The following OIP5 variants were observed in gnomAD, a reference collection of about 807,000 sequenced individuals.
OIP5 encodes protein Mis18-beta.
OIP5 carries 24 observed loss-of-function variants against 20.3 expected under a neutral mutation model. The ratio of observed to expected loss-of-function variants is 1.18; its 90% CI spans 0.86 to 1.66. The LOEUF is 1.66. Ranked by LOEUF, OIP5 falls within the 40% of genes most tolerant of loss-of-function variation. OIP5 has a pLI of 0.00. For synonymous variants in OIP5, 143 were observed against 121.3 expected (o/e 1.18, Z -1.17); for missense variants, 339 against 289.5 (o/e 1.17, Z -1.24).
At chr15:41,329,943 C>T (rs1432383108) in intron 2 of OIP5, among the ~76,000 whole-genome samples, 7 of 148,014 alleles carry the variant, frequency 4.7e-5, no homozygotes, top group Admixed American at 4.0e-4. Context: ...GTGATCCATC[C>T]GCCTTGGCCT....
intron 3 of OIP5, among the ~76,000 whole-genome samples, chr15:41,317,556 T>C (rs1181689810): frequency 6.6e-6 from 1 of 152,020 alleles, no homozygotes; most frequent in African/African-American, 2.4e-5. Flanking sequence ...ATTTTTTTTG[T>C]ATTTTTAGTA....
intron 4 of OIP5, among the ~76,000 whole-genome samples, 179 bp downstream of exon 4, chr15:41,313,094 T>C (rs892499582): frequency 6.6e-6 from 1 of 152,234 alleles, no homozygotes; most frequent in Admixed American, 6.5e-5. Flanking sequence ...CTTCCTGAAC[T>C]ATACCTTACA....
chr15:41,327,528 G>A (rs113387571), intron 2 of OIP5, among the ~76,000 whole-genome samples: 26,998 of 150,886 alleles, frequency 0.18, 3,098 homozygotes, highest in Non-Finnish European at 0.25. Flanking sequence ...AGTGGCTCAC[G>A]CCTGTAATCC....
At chr15:41,327,782 C>CA (rs2047871360) in intron 2 of OIP5, among the ~76,000 whole-genome samples, 1 of 149,930 alleles carries the variant, frequency 6.7e-6, no homozygotes, top group South Asian at 2.1e-4. Context: ...AGCAAGACTC[C>CA]ATCTCAAAAA....
rs528286464 is a variant in OIP5 at position 41,317,806 on chromosome 15, G to A, written c.512+1852C>T. Among the ~76,000 whole-genome samples, 282 of 152,282 alleles carry A rather than the reference G, an allele frequency of 1.9e-3. 1 individual carries two copies. Among genetic ancestry groups the A allele is most frequent in the African/African-American group, 6.6e-3 (275 of 41,560 alleles). On this transcript the variant is annotated intron_variant, in intron 3 of 4. Transcript: ENST00000220514. Reference sequence around the variant, plus strand: ...CTATCCTCCCACCTTAGCCTCCAGAGTAGCTAGGACTACAGGCATACACCA... The same window carrying A: ...CTATCCTCCCACCTTAGCCTCCAGAATAGCTAGGACTACAGGCATACACCA...
intron 2 of OIP5, among the ~76,000 whole-genome samples, chr15:41,330,151 C>T (rs891680450): frequency 1.3e-5 from 2 of 152,070 alleles, no homozygotes; most frequent in Non-Finnish European, 2.9e-5. Flanking sequence ...AGTGCAATGG[C>T]GTGAACTCGG....
rs1409406920 is a variant in OIP5 at position 41,332,525 on chromosome 15, C to T, written c.37G>A (p.Ala13Thr). The stretch of plus-strand genomic sequence containing the variant: ...CAAAAGTCCCCCCGGGGCGGCGTTG[C>T]ACAACGTGAGCGATGCCGCAGCGGC... ...AQPLRHRSRCATPPRGDFCGG... is the reference protein window; with the variant it reads ...AQPLRHRSRCTTPPRGDFCGG... The change falls in exon 1 of 5, where the codon GCA (alanine) becomes ACA (threonine). Residue 13 changes from alanine to threonine, a missense_variant. By Grantham distance (58) the Ala-to-Thr change is moderately conservative. Coordinates refer to ENST00000220514, the MANE Select transcript of OIP5 (RefSeq NM_007280.2). The T allele has an allele frequency of 1.2e-6, 2 of 1,612,424 alleles. No individual in the cohort carries two copies. The highest frequency in any genetic ancestry group is 1.7e-5 in the Admixed American group (1 of 59,414).
At position 41,332,362 on chromosome 15, in the gene OIP5, G is replaced by C; in HGVS notation, c.200C>G (p.Pro67Arg). ...AEEPAAGPQL[P>R]SWLQPERCAV... ...GCACCTCTCAGGCTGCAGCCAAGACGGCAGCTGCGGGCCGGCGGCTGGCTC... is the reference window on the plus strand; with the variant it reads ...GCACCTCTCAGGCTGCAGCCAAGACCGCAGCTGCGGGCCGGCGGCTGGCTC... Residue 67 changes from proline (P) to arginine (R), a missense_variant, in exon 1 of 5, where the codon CCG becomes CGG. Physicochemically the swap from Pro to Arg is moderately radical, Grantham distance 103. Transcript: ENST00000220514. The C allele has an allele frequency of 1.9e-6, 3 of 1,612,740 alleles. No homozygotes were observed. Among genetic ancestry groups the C allele is most frequent in the Non-Finnish European group, 2.5e-6 (3 of 1,179,250 alleles).
intron 3 of OIP5, among the ~76,000 whole-genome samples, chr15:41,316,034 A>C (rs2047786934): frequency 6.6e-6 from 1 of 152,152 alleles, no homozygotes; most frequent in Non-Finnish European, 1.5e-5. Context: ...AGGCTGAGGC[A>C]GGACAATGGC....
Position 41,313,362 on chromosome 15 carries a change from G to C in OIP5, c.513-8C>G. 2 of 1,492,302 alleles carry C rather than the reference G, an allele frequency of 1.3e-6. No individual in the cohort carries two copies. Among genetic ancestry groups the C allele is most frequent in the Non-Finnish European group, 1.9e-6 (2 of 1,080,316 alleles). 92.4% of individuals were successfully genotyped at this position (1,492,302 alleles called of 1,614,324 possible). ...TTTGTTTTTAAGAGATAGCTAGATA[G>C]GAAAAAAGAAAAATATTAGTGTCAT... On this transcript the variant is annotated splice_region_variant and splice_polypyrimidine_tract_variant and intron_variant, in intron 3 of 4. Transcript: ENST00000220514.
chr15:41,321,038 C>A (rs1156508699), intron 2 of OIP5, among the ~76,000 whole-genome samples: 1 of 149,252 alleles, frequency 6.7e-6, no homozygotes, highest in African/African-American at 2.5e-5. Context: ...TGAGGAGACC[C>A]TCCGCCCGGC....
At position 41,309,967 on chromosome 15, in the gene OIP5, C is replaced by T. The variant is rs1039054011; in HGVS notation, c.595-118G>A. Reference sequence around the variant, plus strand: ...ACAGTGGCACATTCATAGTTCACTGCAGCCTCAAGCTCCTGCTCTCAAGTG... The same window carrying T: ...ACAGTGGCACATTCATAGTTCACTGTAGCCTCAAGCTCCTGCTCTCAAGTG... On this transcript the variant is annotated intron_variant, in intron 4 of 4. Coordinates refer to ENST00000220514, the MANE Select transcript of OIP5 (RefSeq NM_007280.2). The T allele has an allele frequency of 4.3e-5, 26 of 608,376 alleles. No homozygotes were observed. In the East Asian group the frequency reaches 7.5e-4, roughly 18 times the overall value. The allele number at this position is 608,376 out of a possible 1,614,324, so 37.7% of individuals were successfully genotyped here. A position where few individuals can be genotyped will look rare whatever the true frequency, so the allele number is the denominator to read the frequency against.
At chr15:41,314,132 C>T (rs184653526) in intron 3 of OIP5, among the ~76,000 whole-genome samples, 327 of 151,990 alleles carry the variant, frequency 2.2e-3, no homozygotes, top group Admixed American at 7.3e-3. Flanking sequence ...GATGGAGTCT[C>T]GCTCTGTTGC....
chr15:41,323,813 G>A (rs1165222026), intron 2 of OIP5, among the ~76,000 whole-genome samples: 2 of 152,032 alleles, frequency 1.3e-5, no homozygotes, highest in African/African-American at 4.8e-5. Context: ...ACCTATGAAA[G>A]TCTGAGATGG....
intron 4 of OIP5, among the ~76,000 whole-genome samples, chr15:41,312,254 C>A (rs986111870): frequency 6.6e-6 from 1 of 151,650 alleles, no homozygotes; most frequent in Non-Finnish European, 1.5e-5. Context: ...CTCTATCTCG[C>A]AGGTTCAAGT....
chr15:41,332,015 C>A, intron 1 of OIP5, 34 bp from the exon 2 acceptor site: 1 of 1,604,324 alleles, frequency 6.2e-7, no homozygotes, highest in Non-Finnish European at 8.5e-7. Flanking sequence ...AACCCATACT[C>A]TGCGGGCCTT....
intron 1 of OIP5, 128 bp from the exon 2 acceptor site, chr15:41,332,109 C>A: frequency 7.5e-7 from 1 of 1,333,348 alleles, no homozygotes; most frequent in Non-Finnish European, 1.1e-6. Flanking sequence ...CATCCCCAGG[C>A]CAAGGAGTTA....
chr15:41,323,911 A>C (rs2047845149), intron 2 of OIP5, among the ~76,000 whole-genome samples: 1 of 151,016 alleles, frequency 6.6e-6, no homozygotes, highest in Admixed American at 6.6e-5. Flanking sequence ...CTTCTGCATC[A>C]GTACTTGCTG....
intron 3 of OIP5, among the ~76,000 whole-genome samples, chr15:41,318,716 CTTTT>C (rs11287857): frequency 5.0e-4 from 72 of 143,830 alleles, no homozygotes; most frequent in African/African-American, 1.7e-3. Context: ...GGTCCCACTG[CTTTT>C]TTTTTTTTTT....
Sources: allele counts gnomAD v4.1 joint callset (sites outside exome capture counted in the v4.1 genomes callset), GRCh38; gene constraint gnomAD v4.1.1; transcripts MANE v1.5; gene names NCBI Gene and HGNC (gene_info 2026-07-23, HGNC 2026-07-21).